ZMAT4: variants seen among roughly 807,000 people sequenced by gnomAD.
ZMAT4 encodes zinc finger matrin-type protein 4.
Under a neutral mutation model 28.7 loss-of-function variants are expected in ZMAT4, and 17 were observed. The ratio of observed to expected loss-of-function variants is 0.59; its 90% CI spans 0.41 to 0.89. The LOEUF is 0.89. Among genes scored for constraint, ZMAT4 ranks in the 40% least tolerant of loss-of-function variants. ZMAT4 has a pLI of 0.00. For synonymous variants in ZMAT4, 117 were observed against 109.2 expected, an observed-to-expected ratio of 1.07 and a Z score of -0.44; for missense variants, 240 against 283.8, an observed-to-expected ratio of 0.85 and a Z score of 1.11.
At chr8:40,891,786 G>A (rs559275942) in intron 1 of ZMAT4, among the ~76,000 whole-genome samples, 2 of 152,262 alleles carry the variant, frequency 1.3e-5, no homozygotes, top group East Asian at 1.9e-4. Flanking sequence ...GAAGGGTCGC[G>A]CCTCCCCACA....
At position 40,652,525 on chromosome 8, in the gene ZMAT4, C is replaced by T. The variant is rs1415736662; in HGVS notation, c.577+22179G>A. Among the ~76,000 whole-genome samples, 253 of 41,298 alleles carry T rather than the reference C, an allele frequency of 6.1e-3. 2 individuals carry two copies. The highest frequency in any genetic ancestry group is 0.015 in the African/African-American group (245 of 15,864). The allele number at this position is 41,298 out of a possible 152,430, so 27.1% of individuals were successfully genotyped here. A position where few individuals can be genotyped will look rare whatever the true frequency, so the allele number is the denominator to read the frequency against. ...TCAACCACTGTGGAAGTCAGTGTGGCGATTCCTCACGGATCTAGAACTGGA... is the reference window on the plus strand; with the variant it reads ...TCAACCACTGTGGAAGTCAGTGTGGTGATTCCTCACGGATCTAGAACTGGA... On this transcript the variant is annotated intron_variant, in intron 5 of 6. Transcript: ENST00000297737.
intron 3 of ZMAT4, among the ~76,000 whole-genome samples, chr8:40,697,735 G>C (rs1371379853): frequency 9.8e-6 from 1 of 101,738 alleles, no homozygotes; most frequent in Non-Finnish European, 1.9e-5. Context: ...GACCGGCCCC[G>C]GTGCAATCTC....
rs768234796 is a variant in ZMAT4 at position 40,625,784 on chromosome 8, A to C, written c.578-44523T>G. 2.0e-5 allele frequency among the ~76,000 whole-genome samples: 3 copies of C among 152,154 alleles called. No homozygotes were observed. The South Asian group carries it at 6.2e-4, about 32-fold the overall frequency. On this transcript the variant is annotated intron_variant, in intron 5 of 6. Coordinates refer to ENST00000297737, the MANE Select transcript of ZMAT4 (RefSeq NM_024645.3). Reference sequence around the variant, plus strand: ...AGCATTTAAGGGAGAGGTTGGAGCCAGGTGAGTAAATTTGTTAGTCATCTG... The same window carrying C: ...AGCATTTAAGGGAGAGGTTGGAGCCCGGTGAGTAAATTTGTTAGTCATCTG...
chr8:40,657,059 C>T (rs1420410102), intron 5 of ZMAT4, among the ~76,000 whole-genome samples: 1 of 152,248 alleles, frequency 6.6e-6, no homozygotes, highest in Admixed American at 6.5e-5. Flanking sequence ...GAGACAGGTT[C>T]TGGCTCTCTC....
intron 5 of ZMAT4, among the ~76,000 whole-genome samples, chr8:40,612,728 A>G (rs1307623421): frequency 7.9e-6 from 1 of 127,212 alleles, no homozygotes; most frequent in African/African-American, 2.7e-5. Flanking sequence ...CCCCTCCCCT[A>G]CCTCCCTAAA....
chr8:40,742,056 T>C (rs895832072), intron 3 of ZMAT4, among the ~76,000 whole-genome samples: 2 of 149,906 alleles, frequency 1.3e-5, no homozygotes, highest in African/African-American at 2.5e-5. Flanking sequence ...CTGGACAACA[T>C]GGCAAAACTC....
chr8:40,849,982 A>G (rs1341755806), intron 1 of ZMAT4, among the ~76,000 whole-genome samples: 1 of 151,622 alleles, frequency 6.6e-6, no homozygotes, highest in East Asian at 1.9e-4. Context: ...CTCCTCATCC[A>G]CTCCCTTTTC....
At chr8:40,543,308 G>A (rs1036011994) in intron 6 of ZMAT4, among the ~76,000 whole-genome samples, 2 of 152,182 alleles carry the variant, frequency 1.3e-5, no homozygotes, top group African/African-American at 4.8e-5. Context: ...GGAGACTGTG[G>A]TCTGGTGTGG....
Position 40,590,468 on chromosome 8 carries a change from T to C in ZMAT4, c.578-9207A>G, listed in dbSNP as rs532078252. On this transcript the variant is annotated intron_variant, in intron 5 of 6. Coordinates refer to ENST00000297737, the MANE Select transcript of ZMAT4 (RefSeq NM_024645.3). ...GTTATCATCTCCCCTAAGGTTTTGT[T>C]TACCAGGCTGAAAATCAAACGGCTC... 2.3e-4 allele frequency among the ~76,000 whole-genome samples: 35 copies of C among 152,182 alleles called. 1 individual carries two copies. In the South Asian group the frequency reaches 7.1e-3, roughly 31 times the overall value.
chr8:40,879,600 C>A (rs764581871), intron 1 of ZMAT4, among the ~76,000 whole-genome samples: 35 of 152,132 alleles, frequency 2.3e-4, no homozygotes, highest in Non-Finnish European at 3.5e-4. Flanking sequence ...GGGAACGACT[C>A]AGAGGCAACT....
intron 1 of ZMAT4, among the ~76,000 whole-genome samples, chr8:40,874,310 T>C (rs1817965285): frequency 6.6e-6 from 1 of 152,202 alleles, no homozygotes; most frequent in Non-Finnish European, 1.5e-5. Flanking sequence ...TGGGCATTCT[T>C]TTGCAGAGAA....
At chr8:40,820,200 G>A (rs202210099) in intron 2 of ZMAT4, among the ~76,000 whole-genome samples, 1 of 151,300 alleles carries the variant, frequency 6.6e-6, no homozygotes, top group Non-Finnish European at 1.5e-5. Context: ...GGGTGTGTAT[G>A]TGTGTGTTTA....
intron 1 of ZMAT4, among the ~76,000 whole-genome samples, chr8:40,862,233 T>C (rs1438960011): frequency 4.6e-5 from 7 of 152,024 alleles, no homozygotes; most frequent in Non-Finnish European, 1.0e-4. Context: ...TGGAATACTA[T>C]GCAGCCATAA....
At chr8:40,767,616 A>T in intron 3 of ZMAT4, 25 bp downstream of exon 3, 1 of 1,592,910 alleles carries the variant, frequency 6.3e-7, no homozygotes, top group Non-Finnish European at 8.6e-7. Flanking sequence ...TCATCTGAGG[A>T]TATCACGTGG....
chr8:40,805,875 C>A (rs953353434), intron 2 of ZMAT4, among the ~76,000 whole-genome samples: 5 of 151,678 alleles, frequency 3.3e-5, no homozygotes, highest in African/African-American at 9.7e-5. Context: ...ACCAGCATGG[C>A]ACATGTATAC....
In ZMAT4 at chr8:40,853,437, TA is replaced by T. The variant is rs200422676; in HGVS notation, c.-4-27758del. Among the ~76,000 whole-genome samples, 10 of 152,132 alleles carry T rather than the reference TA, an allele frequency of 6.6e-5. No homozygotes were observed. In the East Asian group the frequency reaches 1.9e-3, roughly 29 times the overall value. On this transcript the variant is annotated intron_variant, in intron 1 of 6. Transcript: ENST00000297737. ...TGGGTGTGGTGGCAGGCACCTGTAA[TA>T]CCAGCTGCTCAGGAGGTTATGGCAG...
In ZMAT4 at chr8:40,621,456, C is replaced by T. The variant is rs558815858; in HGVS notation, c.578-40195G>A. Among the ~76,000 whole-genome samples the T allele has an allele frequency of 9.9e-5, 15 of 152,258 alleles. No individual in the cohort carries two copies. The South Asian group carries it at 3.1e-3, about 32-fold the overall frequency. ...GCCCAAAATGATCATGTCTGAGCAG[C>T]TGATAATTTGCAAAGATCCAGGGGT... On this transcript the variant is annotated intron_variant, in intron 5 of 6. Transcript: ENST00000297737.
At chr8:40,764,754 G>C (rs4593529) in intron 3 of ZMAT4, among the ~76,000 whole-genome samples, 33,578 of 152,038 alleles carry the variant, frequency 0.22, 3,886 homozygotes, top group Non-Finnish European at 0.25. Context: ...CATGCAGAAA[G>C]TGCTTTGAAA....
In ZMAT4 at chr8:40,532,159, T is replaced by C. The variant is rs1289114080; in HGVS notation, c.*64A>G. On this transcript the variant is annotated 3_prime_UTR_variant, in exon 7 of 7. Coordinates refer to ENST00000297737, the MANE Select transcript of ZMAT4 (RefSeq NM_024645.3). ...GAAAGAAGCCTCCTCTGGTGGTTGA[T>C]AAGCAATTCTCCACGGCAGAGAAAT... 1 of 1,486,694 alleles carries C rather than the reference T, an allele frequency of 6.7e-7. No homozygotes were observed. Among genetic ancestry groups the C allele is most frequent in the East Asian group, 2.4e-5 (1 of 40,930 alleles). The allele number at this position is 1,486,694 out of a possible 1,614,324, so 92.1% of individuals were successfully genotyped here. A position where few individuals can be genotyped will look rare whatever the true frequency, so the allele number is the denominator to read the frequency against.
Sources: allele counts gnomAD v4.1 joint callset (sites outside exome capture counted in the v4.1 genomes callset), GRCh38; gene constraint gnomAD v4.1.1; transcripts MANE v1.5; gene names NCBI Gene and HGNC (gene_info 2026-07-23, HGNC 2026-07-21).